COL17A1: variants seen among roughly 807,000 people sequenced by gnomAD.
The protein encoded by COL17A1 is collagen alpha-1(XVII) chain.
COL17A1 carries 181 observed loss-of-function variants against 218.4 expected under a neutral mutation model. The ratio of observed to expected loss-of-function variants is 0.83; its 90% CI spans 0.73 to 0.94. The LOEUF (loss-of-function observed/expected upper bound fraction) is 0.94. COL17A1 is among the 40% of genes least tolerant of loss of function. COL17A1 has a pLI of 0.00. For synonymous variants in COL17A1, 721 were observed against 731.0 expected (o/e 0.99, Z 0.22); for missense variants, 1,924 against 1,945.9 (o/e 0.99, Z 0.21).
At chr10:104,035,667 G>A (rs2086273366) in intron 48 of COL17A1, 104 bp from the exon 49 acceptor site, 1 of 878,530 alleles carries the variant, frequency 1.1e-6, no homozygotes, top group East Asian at 2.7e-5. Flanking sequence ...TGGGGTCCAA[G>A]AAAGAAAAGA....
chr10:104,034,160 C>T lies in COL17A1; in HGVS notation c.3941G>A (p.Gly1314Glu). ...GSSYSSSMSTGGGGAGSLGAG... is the reference protein window; with the variant it reads ...GSSYSSSMSTEGGGAGSLGAG... ...ACCCAGGGAGCCTGCACCACCTCCT[C>T]CTGTGCTCATGGAAGAGCTGTAGGA... The change falls in exon 52 of 56, where the codon GGA (glycine) becomes GAA (glutamate). Residue 1314 changes from glycine (G) to glutamate (E), a missense_variant. Physicochemically the swap from Gly to Glu is moderately conservative, Grantham distance 98 (BLOSUM62 -2). Transcript: ENST00000648076. 6.2e-7 allele frequency: 1 copy of T among 1,613,770 alleles called. No homozygotes were observed. Among genetic ancestry groups the T allele is most frequent in the South Asian group, 1.1e-5 (1 of 91,050 alleles).
intron 9 of COL17A1, among the ~76,000 whole-genome samples, chr10:104,068,962 T>G (rs1163241186): frequency 6.6e-6 from 1 of 152,160 alleles, no homozygotes; most frequent in Non-Finnish European, 1.5e-5. Context: ...ATGAGAAAAC[T>G]GATGTCCATA....
At chr10:104,083,342 T>C (rs2086781202) in intron 1 of COL17A1, among the ~76,000 whole-genome samples, 1 of 152,218 alleles carries the variant, frequency 6.6e-6, no homozygotes, top group Admixed American at 6.5e-5. Flanking sequence ...TCCTACTTAA[T>C]GGAAGCACTG....
intron 1 of COL17A1, among the ~76,000 whole-genome samples, chr10:104,082,348 C>T (rs561569009): frequency 4.6e-5 from 7 of 152,326 alleles, no homozygotes; most frequent in South Asian, 4.1e-4. Context: ...TGCAAACCTA[C>T]GTGCAACTGG....
rs569960947 is a variant in COL17A1 at position 104,047,147 on chromosome 10, G to GC, written c.2336-375dup. The stretch of plus-strand genomic sequence containing the variant: ...GCACCCGCCAAAGGAGGCTGAGGAG[G>GC]CCCCTACTCTCAGAGGCCCCCGATG... On this transcript the variant is annotated intron_variant, in intron 31 of 55. Transcript: ENST00000648076. Among the ~76,000 whole-genome samples, 394 of 152,246 alleles carry GC rather than the reference G, an allele frequency of 2.6e-3. 2 individuals carry two copies. Among genetic ancestry groups the GC allele is most frequent in the Middle Eastern group, 0.014 (4 of 294 alleles).
intron 31 of COL17A1, 38 bp downstream of exon 31, chr10:104,047,701 C>G: frequency 6.4e-7 from 1 of 1,551,058 alleles, no homozygotes; most frequent in Non-Finnish European, 8.9e-7. Context: ...CACACACACA[C>G]TAAGCAGGGC....
At position 104,055,454 on chromosome 10, in the gene COL17A1, A is replaced by T. The variant is rs1589567541; in HGVS notation, c.1688-53T>A. The stretch of plus-strand genomic sequence containing the variant: ...GCTTCACATCTCCTGTCACACACAC[A>T]CACACACACACACACACACACACAC... On this transcript the variant is annotated intron_variant, in intron 18 of 55. Coordinates refer to ENST00000648076, the MANE Select transcript of COL17A1 (RefSeq NM_000494.4). 66 of 1,451,570 alleles carry T rather than the reference A, an allele frequency of 4.5e-5. 4 individuals are homozygous for T. The Middle Eastern group carries it at 7.1e-4, about 16-fold the overall frequency. The allele number at this position is 1,451,570 out of a possible 1,614,324, so 89.9% of individuals were successfully genotyped here.
At chr10:104,042,651 G>A (rs555294607) in intron 35 of COL17A1, among the ~76,000 whole-genome samples, 196 bp from the exon 36 acceptor site, 5 of 152,314 alleles carry the variant, frequency 3.3e-5, no homozygotes, top group South Asian at 2.1e-4. Flanking sequence ...CCGGGACCCC[G>A]GGGCAGGCGG....
chr10:104,034,854 C>G (rs1414568752), intron 50 of COL17A1, 87 bp from the exon 51 acceptor site: 1 of 1,544,192 alleles, frequency 6.5e-7, no homozygotes, highest in Non-Finnish European at 8.8e-7. Context: ...CTGTGGGCCC[C>G]ACCTGAAAGG....
At position 104,036,493 on chromosome 10, in the gene COL17A1, C is replaced by T; in HGVS notation, c.3417G>A (p.Ser1139=). The change falls in exon 48 of 56, where the codon TCG becomes TCA. Residue 1139 remains serine, a splice_region_variant and synonymous_variant. Transcript: ENST00000648076. Reference sequence around the variant, plus strand: ...ACCACCCCTCCTGCAGACACTTACTCGACATGTAGCTGAGAATGCGACTAC... The same window carrying T: ...ACCACCCCTCCTGCAGACACTTACTTGACATGTAGCTGAGAATGCGACTAC... ...ELSSRILSYM[S]SSGISIGLPG... The T allele has an allele frequency of 3.1e-6, 5 of 1,613,840 alleles. No individual in the cohort carries two copies. Among genetic ancestry groups the T allele is most frequent in the Admixed American group, 1.7e-5 (1 of 60,002 alleles).
At chr10:104,036,932 GCCTCCCT>G in intron 47 of COL17A1, 106 bp downstream of exon 47, 1 of 1,027,804 alleles carries the variant, frequency 9.7e-7, no homozygotes, top group African/African-American at 1.6e-5. Flanking sequence ...AAAGGACTCT[GCCTCCCT>G]CTTGCAGCCC....
At position 104,070,588 on chromosome 10, in the gene COL17A1, A is replaced by G; in HGVS notation, c.464-19T>C. ...TCTGTCCCTGTGAAAGAATCCACAG[A>G]CGTTTCTGTTAAGTCCAGAGTTCTT... On this transcript the variant is annotated intron_variant, in intron 8 of 55. Transcript: ENST00000648076. 1 of 1,614,172 alleles carries G rather than the reference A, an allele frequency of 6.2e-7. No individual in the cohort carries two copies. The highest frequency in any genetic ancestry group is 8.5e-7 in the Non-Finnish European group (1 of 1,180,034).
intron 5 of COL17A1, among the ~76,000 whole-genome samples, chr10:104,075,692 T>C (rs1034584073): frequency 6.6e-6 from 1 of 152,228 alleles, no homozygotes; most frequent in African/African-American, 2.4e-5. Context: ...AGTCTAAACA[T>C]CTTATCCTAG....
At chr10:104,084,744 G>T (rs1184394203) in intron 1 of COL17A1, among the ~76,000 whole-genome samples, 3 of 152,218 alleles carry the variant, frequency 2.0e-5, no homozygotes, top group African/African-American at 7.2e-5. Flanking sequence ...GTGAGTCTGT[G>T]TGGGGATAGA....
At chr10:104,039,801 C>T (rs995806533) in intron 41 of COL17A1, among the ~76,000 whole-genome samples, 161 bp from the exon 42 acceptor site, 11 of 150,550 alleles carry the variant, frequency 7.3e-5, no homozygotes, top group South Asian at 4.1e-4. Flanking sequence ...CACACGCACA[C>T]GCACACTTGC....
chr10:104,038,325 G>A (rs1405757257), intron 45 of COL17A1, 81 bp downstream of exon 45: 3 of 1,590,360 alleles, frequency 1.9e-6, no homozygotes, highest in Non-Finnish European at 2.6e-6. Flanking sequence ...CCTCATTTCT[G>A]TGATGATACC....
chr10:104,042,295 C>T (rs533456216), intron 36 of COL17A1, 125 bp downstream of exon 36: 74 of 1,000,862 alleles, frequency 7.4e-5, no homozygotes, highest in Non-Finnish European at 1.1e-4. Flanking sequence ...AGAGCCCTGG[C>T]CCTGTCCTCC....
Position 104,034,719 on chromosome 10 carries a change from G to C in COL17A1, c.3668C>G (p.Pro1223Arg), listed in dbSNP as rs746646394. The change falls in exon 51 of 56, where the codon CCA (proline) becomes CGA (arginine). Residue 1223 changes from proline (P) to arginine (R), a missense_variant. Pro to Arg is a moderately radical substitution (Grantham distance 103, BLOSUM62 -2). Coordinates refer to ENST00000648076, the MANE Select transcript of COL17A1 (RefSeq NM_000494.4). ...GACACCCGGGGGCCCTCGAGGCCCT[G>C]GGGGACCAGGAGGTCCTGGAGGGCC... Reference protein sequence around the residue: ...IPGPPGPPGPPGPRGPPGVSG... With the variant: ...IPGPPGPPGPRGPRGPPGVSG... The C allele has an allele frequency of 6.2e-7, 1 of 1,611,944 alleles. No homozygotes were observed. Among genetic ancestry groups the C allele is most frequent in the Non-Finnish European group, 8.5e-7 (1 of 1,179,400 alleles).
chr10:104,079,180 T>G (rs1053455522), intron 2 of COL17A1, among the ~76,000 whole-genome samples: 1 of 152,244 alleles, frequency 6.6e-6, no homozygotes, highest in Non-Finnish European at 1.5e-5. Flanking sequence ...CAGACAGACT[T>G]GAAGAACCAG....
Sources: gnomAD v4.1 joint callset for allele counts (sites outside exome capture counted in the v4.1 genomes callset) on GRCh38, gnomAD v4.1.1 for gene constraint, MANE v1.5 for transcripts, NCBI Gene and HGNC (gene_info 2026-07-23, HGNC 2026-07-21) for gene names.